CLSTN2: variants seen among roughly 807,000 people sequenced by gnomAD.
CLSTN2 encodes calsyntenin 2.
Under a neutral mutation model 101.2 loss-of-function variants are expected in CLSTN2, and 48 were observed. That is an observed-to-expected ratio of 0.47 (90% CI 0.38 to 0.60). The LOEUF (loss-of-function observed/expected upper bound fraction) is 0.60, where lower values mean the gene tolerates loss of function less well. Among genes scored for constraint, CLSTN2 ranks in the 20% least tolerant of loss-of-function variants. The pLI is 0.00. For missense variants in CLSTN2, 1,160 were observed against 1,238.2 expected, an observed-to-expected ratio of 0.94 and a Z score of 0.95; for synonymous variants, 481 against 463.6, an observed-to-expected ratio of 1.04 and a Z score of -0.48.
At chr3:140,255,829 G>A (rs1208236975) in intron 2 of CLSTN2, among the ~76,000 whole-genome samples, 2 of 152,086 alleles carry the variant, frequency 1.3e-5, no homozygotes, top group East Asian at 1.9e-4. Context: ...AAATGTCTAG[G>A]GCTTGTTGAT....
intron 2 of CLSTN2, among the ~76,000 whole-genome samples, chr3:140,366,090 A>G (rs757699864): frequency 6.6e-6 from 1 of 152,218 alleles, no homozygotes; most frequent in Non-Finnish European, 1.5e-5. Context: ...TGCCCTTGCC[A>G]TGACAGTCAG....
At chr3:140,233,020 T>G (rs1275235868) in intron 2 of CLSTN2, among the ~76,000 whole-genome samples, 1 of 152,106 alleles carries the variant, frequency 6.6e-6, no homozygotes, top group East Asian at 1.9e-4. Flanking sequence ...AAAAGAGAAA[T>G]GCAGATGTAA....
rs868401889 is a variant in CLSTN2, at chr3:140,299,161, C to G, written c.233-104468C>G. On this transcript the variant is annotated intron_variant, in intron 2 of 16. Coordinates refer to ENST00000458420, the MANE Select transcript of CLSTN2 (RefSeq NM_022131.3). ...CCTTCCAAACTACTCCAGGACACAA[C>G]TTTCAATTATTATAGTGTGTGGCCC... Among the ~76,000 whole-genome samples the G allele has an allele frequency of 1.1e-4, 17 of 152,318 alleles. No homozygotes were observed. The Middle Eastern group carries it at 0.021, about 184-fold the overall frequency.
chr3:140,011,619 T>C (rs1237955357), intron 1 of CLSTN2, among the ~76,000 whole-genome samples: 1 of 152,034 alleles, frequency 6.6e-6, no homozygotes, highest in Non-Finnish European at 1.5e-5. Flanking sequence ...TAATAAGGGG[T>C]TATCTCTCCC....
intron 8 of CLSTN2, among the ~76,000 whole-genome samples, chr3:140,486,347 A>G (rs1249373261): frequency 6.6e-6 from 1 of 152,254 alleles, no homozygotes; most frequent in African/African-American, 2.4e-5. Context: ...ATTTCTTTAA[A>G]TGACCATGAC....
chr3:140,158,806 G>T (rs548843274), intron 1 of CLSTN2, among the ~76,000 whole-genome samples: 14 of 152,246 alleles, frequency 9.2e-5, no homozygotes, highest in African/African-American at 3.4e-4. Flanking sequence ...AACCAAAACA[G>T]CATGGTACTG....
chr3:140,099,266 C>T (rs911285726), intron 1 of CLSTN2, among the ~76,000 whole-genome samples: 4 of 152,182 alleles, frequency 2.6e-5, no homozygotes, highest in Admixed American at 1.3e-4. Context: ...GTGCTCTCAA[C>T]TCTGGGGAGC....
At chr3:140,045,460 C>A (rs2007856446) in intron 1 of CLSTN2, among the ~76,000 whole-genome samples, 1 of 151,972 alleles carries the variant, frequency 6.6e-6, no homozygotes, top group Non-Finnish European at 1.5e-5. Flanking sequence ...TTTTGTTGAT[C>A]TTTTCAAAAA....
At chr3:140,523,899 T>A (rs1036997056) in intron 8 of CLSTN2, among the ~76,000 whole-genome samples, 1 of 152,220 alleles carries the variant, frequency 6.6e-6, no homozygotes, top group Non-Finnish European at 1.5e-5. Context: ...CTGCTACAAA[T>A]GGTCCTCTTC....
intron 1 of CLSTN2, among the ~76,000 whole-genome samples, chr3:139,965,099 C>T (rs1328847771): frequency 2.6e-5 from 4 of 152,164 alleles, no homozygotes; most frequent in South Asian, 2.1e-4. Context: ...CTTGGCCCCA[C>T]GAAGTTTGCA....
chr3:140,220,426 C>A (rs1219492623), intron 2 of CLSTN2, among the ~76,000 whole-genome samples: 1 of 152,226 alleles, frequency 6.6e-6, no homozygotes, highest in Non-Finnish European at 1.5e-5. Flanking sequence ...TGTCGTCTTC[C>A]TTCTTGAGCC....
intron 8 of CLSTN2, among the ~76,000 whole-genome samples, chr3:140,526,215 G>A (rs576599910): frequency 6.6e-6 from 1 of 152,004 alleles, no homozygotes; most frequent in East Asian, 1.9e-4. Context: ...AACTGATAAA[G>A]TTTCAGGATA....
intron 1 of CLSTN2, among the ~76,000 whole-genome samples, chr3:139,950,435 A>G (rs1935276654): frequency 6.6e-6 from 1 of 152,200 alleles, no homozygotes; most frequent in African/African-American, 2.4e-5. Context: ...GCCACTCCCT[A>G]CATGGGCTGA....
chr3:140,192,896 C>CA (rs2010590060), intron 2 of CLSTN2, among the ~76,000 whole-genome samples: 1 of 151,932 alleles, frequency 6.6e-6, no homozygotes, highest in East Asian at 1.9e-4. Context: ...CAGTTGGACA[C>CA]ATTTTAGAAC....
Position 140,568,821 on chromosome 3 carries a change from T to G in CLSTN2, c.*2568T>G, listed in dbSNP as rs1213867660. ...AGAGCTGTTAGGTAAAATCTTTATA[T>G]GTGTTGGGGTTTTTTTGGTAGGGGG... On this transcript the variant is annotated 3_prime_UTR_variant, in exon 17 of 17. Coordinates refer to ENST00000458420, the MANE Select transcript of CLSTN2 (RefSeq NM_022131.3). 6.6e-6 allele frequency: 1 copy of G among 152,122 alleles called. No individual in the cohort carries two copies. Among genetic ancestry groups the G allele is most frequent in the Admixed American group, 6.5e-5 (1 of 15,270 alleles). 9.4% of individuals were successfully genotyped at this position (152,122 alleles called of 1,614,324 possible). A position where few individuals can be genotyped will look rare whatever the true frequency, so the allele number is the denominator to read the frequency against.
At chr3:140,170,507 A>G (rs2010195174) in intron 1 of CLSTN2, among the ~76,000 whole-genome samples, 1 of 152,164 alleles carries the variant, frequency 6.6e-6, no homozygotes, top group South Asian at 2.1e-4. Context: ...TCACCTGCAA[A>G]ATGAGAAATA....
intron 2 of CLSTN2, among the ~76,000 whole-genome samples, chr3:140,252,519 A>AAACACAGCCAGACCAG (rs1161424426): frequency 3.9e-5 from 6 of 152,204 alleles, no homozygotes; most frequent in South Asian, 2.1e-4. Context: ...TATAGATGAA[A>AAACACAGCCAGACCAG]AACACAGCCA....
intron 8 of CLSTN2, among the ~76,000 whole-genome samples, 161 bp from the exon 9 acceptor site, chr3:140,532,163 T>C (rs1935268433): frequency 6.6e-6 from 1 of 152,244 alleles, no homozygotes; most frequent in Admixed American, 6.5e-5. Context: ...GATGACAAGC[T>C]TCTATAACTT....
At chr3:140,498,093 G>A (rs761188437) in intron 8 of CLSTN2, among the ~76,000 whole-genome samples, 1 of 152,182 alleles carries the variant, frequency 6.6e-6, no homozygotes, top group Non-Finnish European at 1.5e-5. Context: ...TTCTCTATGC[G>A]ACATGGACTG....
Sources: gnomAD v4.1 joint callset for allele counts (sites outside exome capture counted in the v4.1 genomes callset) on GRCh38, gnomAD v4.1.1 for gene constraint, MANE v1.5 for transcripts, NCBI Gene and HGNC (gene_info 2026-07-23, HGNC 2026-07-21) for gene names.